The following ARHGAP6 variants were observed in gnomAD, a reference collection of about 807,000 sequenced individuals.
ARHGAP6 encodes the protein Rho GTPase activating protein 6.
A neutral mutation model predicts 55.7 loss-of-function variants in ARHGAP6; 16 were observed. The observed-to-expected ratio is 0.29, with a 90% CI of 0.19 to 0.44. ARHGAP6 has a LOEUF of 0.44. Ranked by LOEUF, ARHGAP6 falls within the 20% of genes least tolerant of loss-of-function variation. The pLI is 1.00. For synonymous variants in ARHGAP6, 382 were observed against 360.9 expected (o/e 1.06, Z -0.66); for missense variants, 698 against 808.9 (o/e 0.86, Z 1.66).
intron 1 of ARHGAP6, among the ~76,000 whole-genome samples, chrX:11,358,505 GT>G (rs1354787979): frequency 3.1e-5 from 2 of 64,462 alleles, no homozygotes; most frequent in Admixed American, 1.8e-4. Context: ...TTTTGACAGA[GT>G]TTTACTCTTG....
chrX:11,189,831 A>G (rs2046431659), intron 3 of ARHGAP6, among the ~76,000 whole-genome samples: 2 of 112,274 alleles, frequency 1.8e-5, no homozygotes, highest in South Asian at 3.7e-4. Context: ...GTATACATGT[A>G]CCTTGGATCC....
At chrX:11,384,698 T>G (rs2049306740) in intron 1 of ARHGAP6, among the ~76,000 whole-genome samples, 1 of 111,516 alleles carries the variant, frequency 9.0e-6, no homozygotes, top group Non-Finnish European at 1.9e-5. Flanking sequence ...TTGAGAAAAT[T>G]TAAAAAATAT....
In ARHGAP6 at chrX:11,167,959, A is replaced by G. The variant is rs73496359; in HGVS notation, c.1809+1546T>C. Among the ~76,000 whole-genome samples the G allele has an allele frequency of 5.6e-3, 624 of 112,096 alleles. 3 individuals carry two copies. Among genetic ancestry groups the G allele is most frequent in the African/African-American group, 0.018 (566 of 30,807 alleles). Reference sequence around the variant, plus strand: ...CCAGGGACAGTGCTTCAGAGACACAAACAGGAACAAGATGCCATTCTACCT... The same window carrying G: ...CCAGGGACAGTGCTTCAGAGACACAGACAGGAACAAGATGCCATTCTACCT... On this transcript the variant is annotated intron_variant, in intron 9 of 12. Coordinates refer to ENST00000337414, the MANE Select transcript of ARHGAP6 (RefSeq NM_013427.3).
Position 11,471,134 on chromosome X carries a change from C to T in ARHGAP6, c.588+193107G>A, listed in dbSNP as rs774626360. Among the ~76,000 whole-genome samples, 14 of 111,705 alleles carry T rather than the reference C, an allele frequency of 1.3e-4. No homozygotes were observed. The South Asian group carries it at 3.4e-3, about 27-fold the overall frequency. On this transcript the variant is annotated intron_variant, in intron 1 of 12. Coordinates refer to ENST00000337414, the MANE Select transcript of ARHGAP6 (RefSeq NM_013427.3). ...AAATGGAAACTGGGTACAGGGTATA[C>T]AGGAATTATCTGTACAATCTTTGCA...
At chrX:11,217,306 G>T (rs1323907873) in intron 2 of ARHGAP6, among the ~76,000 whole-genome samples, 1 of 111,856 alleles carries the variant, frequency 8.9e-6, no homozygotes, top group Non-Finnish European at 1.9e-5. Context: ...TTCCACAATG[G>T]TTGAACTAAT....
intron 1 of ARHGAP6, among the ~76,000 whole-genome samples, chrX:11,291,455 A>G (rs1412749020): frequency 9.0e-6 from 1 of 111,547 alleles, no homozygotes; most frequent in African/African-American, 3.3e-5. Context: ...TATAAGATCA[A>G]TCTTTCTAAA....
At chrX:11,143,043 C>T (rs2045642593) in intron 11 of ARHGAP6, 1 of 112,044 alleles carries the variant, frequency 8.9e-6, no homozygotes, top group Non-Finnish European at 1.9e-5. Flanking sequence ...TGCATTCACT[C>T]ATAAATCCCC....
chrX:11,392,141 G>C (rs1350849465), intron 1 of ARHGAP6, among the ~76,000 whole-genome samples: 1 of 112,446 alleles, frequency 8.9e-6, no homozygotes, highest in Non-Finnish European at 1.9e-5. Context: ...CTAATGGGAA[G>C]AAATTCCATT....
At chrX:11,627,984 C>A (rs2052318367) in intron 1 of ARHGAP6, among the ~76,000 whole-genome samples, 2 of 111,727 alleles carry the variant, frequency 1.8e-5, no homozygotes, top group South Asian at 7.4e-4. Context: ...CAATTCACTG[C>A]TTTTTGTCTC....
chrX:11,156,102 C>T (rs2045859324), intron 10 of ARHGAP6, among the ~76,000 whole-genome samples: 1 of 112,463 alleles, frequency 8.9e-6, no homozygotes, highest in Admixed American at 9.4e-5. Context: ...TAAGGTCTGT[C>T]TTGTGGTTTG....
chrX:11,396,278 G>A (rs961713906), intron 1 of ARHGAP6, among the ~76,000 whole-genome samples: 2 of 109,955 alleles, frequency 1.8e-5, no homozygotes, highest in Non-Finnish European at 3.8e-5. Context: ...CTGGCTCAGG[G>A]CATGATACCA....
intron 1 of ARHGAP6, among the ~76,000 whole-genome samples, chrX:11,517,472 C>T (rs2050854168): frequency 8.9e-6 from 1 of 111,732 alleles, no homozygotes; most frequent in Non-Finnish European, 1.9e-5. Flanking sequence ...TCTTCTCGTG[C>T]ACACTGTTCT....
chrX:11,256,283 G>A (rs1422021441), intron 1 of ARHGAP6, among the ~76,000 whole-genome samples: 2 of 112,116 alleles, frequency 1.8e-5, no homozygotes, highest in Non-Finnish European at 3.8e-5. Context: ...CAGCTACTTG[G>A]GAGGCCGAGG....
intron 10 of ARHGAP6, among the ~76,000 whole-genome samples, chrX:11,150,887 T>C (rs767978979): frequency 8.9e-6 from 1 of 112,752 alleles, no homozygotes; most frequent in Non-Finnish European, 1.9e-5. Context: ...CTAGTCTTTT[T>C]AAAATTTTGA....
In ARHGAP6 at chrX:11,511,971, T is replaced by G. The variant is rs758641938; in HGVS notation, c.588+152270A>C. 2.7e-5 allele frequency among the ~76,000 whole-genome samples: 3 copies of G among 110,895 alleles called. No individual in the cohort carries two copies. In the Admixed American group the frequency reaches 2.9e-4, roughly 11 times the overall value. On this transcript the variant is annotated intron_variant, in intron 1 of 12. Coordinates refer to ENST00000337414, the MANE Select transcript of ARHGAP6 (RefSeq NM_013427.3). The stretch of plus-strand genomic sequence containing the variant: ...CCTCCTGAGTAGCTGGGACTACAGG[T>G]GCCTGCCACCACACCTGGCTAATTT...
chrX:11,283,315 T>C (rs2047882345), intron 1 of ARHGAP6, among the ~76,000 whole-genome samples: 1 of 112,152 alleles, frequency 8.9e-6, no homozygotes, highest in Admixed American at 9.5e-5. Context: ...CAGCTTACAG[T>C]CTAGCTGAGA....
intron 1 of ARHGAP6, among the ~76,000 whole-genome samples, chrX:11,384,866 G>T (rs2049309211): frequency 9.0e-6 from 1 of 111,223 alleles, no homozygotes; most frequent in Non-Finnish European, 1.9e-5. Context: ...ACACTTTCCT[G>T]GTTTTAGCGC....
chrX:11,331,283 C>T (rs1210156252), intron 1 of ARHGAP6, among the ~76,000 whole-genome samples: 1 of 111,786 alleles, frequency 8.9e-6, no homozygotes, highest in East Asian at 2.8e-4. Context: ...ACAGGCCTTA[C>T]TGGGTTTCCC....
chrX:11,529,791 C>A (rs999674801), intron 1 of ARHGAP6, among the ~76,000 whole-genome samples: 2 of 111,723 alleles, frequency 1.8e-5, no homozygotes, highest in African/African-American at 6.5e-5. Flanking sequence ...GATTAAATTT[C>A]TAATTATGTG....
Sources: gnomAD v4.1 joint callset for allele counts (sites outside exome capture counted in the v4.1 genomes callset) on GRCh38, gnomAD v4.1.1 for gene constraint, MANE v1.5 for transcripts, NCBI Gene and HGNC (gene_info 2026-07-23, HGNC 2026-07-21) for gene names.